The following OPN1LW variants were observed in gnomAD, a reference collection of about 807,000 sequenced individuals.
OPN1LW encodes the protein opsin 1, long wave sensitive.
In OPN1LW, 4 loss-of-function variants were observed where a neutral mutation model predicts 18.1. That is an observed-to-expected ratio of 0.22 (90% CI 0.11 to 0.51). The LOEUF (loss-of-function observed/expected upper bound fraction) is 0.51, where lower values mean the gene tolerates loss of function less well. Among genes scored for constraint, OPN1LW ranks in the 20% least tolerant of loss-of-function variants. The probability of loss-of-function intolerance (pLI) is 0.97; values close to 1 mark genes in which losing one functional copy is unlikely to be tolerated. For missense variants in OPN1LW, 164 were observed against 234.9 expected, an observed-to-expected ratio of 0.70 and a Z score of 1.97; for synonymous variants, 86 against 101.2, an observed-to-expected ratio of 0.85 and a Z score of 0.90.
Position 154,150,979 on chromosome X carries a change from C to T in OPN1LW, c.409+27C>T, listed in dbSNP as rs782088145. The T allele has an allele frequency of 1.3e-5, 15 of 1,176,303 alleles. 1 individual carries two copies. Among genetic ancestry groups the T allele is most frequent in the African/African-American group, 4.8e-5 (2 of 41,259 alleles). On this transcript the variant is annotated intron_variant, in intron 2 of 5. Transcript: ENST00000369951. Reference sequence around the variant, plus strand: ...TAAGCCAGTCGGGGCCCAGGCTCGGCGGAAACCACTCATTCACCCTGCAAG... The same window carrying T: ...TAAGCCAGTCGGGGCCCAGGCTCGGTGGAAACCACTCATTCACCCTGCAAG...
rs1387799253 is a variant in OPN1LW, at chrX:154,154,844, T to C, written c.744+105T>C. ...CCTAAACTATTTTTCCAAAAATCCT[T>C]AGAGAAGAGGATTTTACCCCTATAA... On this transcript the variant is annotated intron_variant, in intron 4 of 5. Transcript: ENST00000369951. 15 of 606,498 alleles carry C rather than the reference T, an allele frequency of 2.5e-5. No individual in the cohort carries two copies. In the African/African-American group the frequency reaches 5.4e-4, roughly 22 times the overall value. The allele number at this position is 606,498 out of a possible 1,213,427, so 50.0% of individuals were successfully genotyped here.
rs147850074 is a variant in OPN1LW at position 154,156,410 on chromosome X, C to T, written c.861C>T (p.Phe287=). The change falls in exon 5 of 6, where the codon TTC becomes TTT. Residue 287 remains phenylalanine, a synonymous_variant. Transcript: ENST00000369951. ...TCTGCTGGGGACCCTACACCTTCTT[C>T]GCATGCTTTGCTGCTGCCAACCCTG... ...YCVCWGPYTF[F]ACFAAANPGY... is the part of the protein sequence containing the mutation. 586 of 1,203,374 alleles carry T rather than the reference C, an allele frequency of 4.9e-4. 10 individuals carry two copies. The East Asian group carries it at 0.014, about 28-fold the overall frequency.
Position 154,148,969 on chromosome X carries a change from G to A in OPN1LW, c.113-1687G>A, listed in dbSNP as rs79462399. ...GCCTGTAATCCCAGCACTTTGGGAGGCCGAGGCAGGCGGATCACGAGGTCA... is the reference window on the plus strand; with the variant it reads ...GCCTGTAATCCCAGCACTTTGGGAGACCGAGGCAGGCGGATCACGAGGTCA... On this transcript the variant is annotated intron_variant, in intron 1 of 5. Coordinates refer to ENST00000369951, the MANE Select transcript of OPN1LW (RefSeq NM_020061.6). 3.8e-5 allele frequency among the ~76,000 whole-genome samples: 4 copies of A among 104,338 alleles called. No individual in the cohort carries two copies. In the East Asian group the frequency reaches 8.5e-4, roughly 22 times the overall value. The allele number at this position is 104,338 out of a possible 115,157, so 90.6% of individuals were successfully genotyped here.
At position 154,144,258 on chromosome X, in the gene OPN1LW, C is replaced by G. The variant is rs781904091; in HGVS notation, c.-26C>G. On this transcript the variant is annotated 5_prime_UTR_variant, in exon 1 of 6. Transcript: ENST00000369951. ...CAGGTGATGCGCCAGGGCCGGCTGC[C>G]GTCGGGGACAGGGCTTTCCATAGCC... is the stretch of plus-strand genomic sequence containing the variant. 8.3e-7 allele frequency: 1 copy of G among 1,209,635 alleles called. No homozygotes were observed. The highest frequency in any genetic ancestry group is 1.1e-6 in the Non-Finnish European group (1 of 895,067).
In OPN1LW at chrX:154,156,449, C is replaced by T. The variant is rs2067085374; in HGVS notation, c.900C>T (p.His300=). 8.3e-7 allele frequency: 1 copy of T among 1,203,215 alleles called. No homozygotes were observed. The change falls in exon 5 of 6, where the codon CAC becomes CAT. Residue 300 remains histidine (H), a synonymous_variant. Transcript: ENST00000369951. ...CTGCCAACCCTGGTTACGCCTTCCA[C>T]CCTTTGATGGCTGCCCTGCCGGCCT... The part of the protein sequence containing the change: ...FAAANPGYAF[H]PLMAALPAYF...
chrX:154,149,149 G>C (rs1266353096), intron 1 of OPN1LW, among the ~76,000 whole-genome samples: 1 of 102,428 alleles, frequency 9.8e-6, no homozygotes, highest in African/African-American at 4.3e-5. Context: ...AGCTTGCAGT[G>C]AGCCGAGATC....
Position 154,156,351 on chromosome X carries a change from C to T in OPN1LW, c.802C>T (p.Arg268Cys), listed in dbSNP as rs782000011. The change falls in exon 5 of 6, where the codon CGC becomes TGC. Residue 268 changes from arginine to cysteine, a missense_variant. Coordinates refer to ENST00000369951, the MANE Select transcript of OPN1LW (RefSeq NM_020061.6). ...CCAGAAGGCAGAGAAGGAAGTGACG[C>T]GCATGGTGGTGGTGATGATCTTTGC... ...STQKAEKEVT[R>C]MVVVMIFAYC... is the part of the protein sequence containing the mutation. The T allele has an allele frequency of 1.0e-5, 12 of 1,201,041 alleles. 1 individual carries two copies. In the South Asian group the frequency reaches 1.1e-4, roughly 11 times the overall value.
intron 1 of OPN1LW, among the ~76,000 whole-genome samples, chrX:154,149,559 G>A (rs1186616349): frequency 1.1e-5 from 1 of 93,669 alleles, no homozygotes; most frequent in African/African-American, 4.9e-5. Flanking sequence ...AAGAAAGAAA[G>A]GAAAAGAATA....
chrX:154,154,191 T>C (rs1365484108), intron 3 of OPN1LW, among the ~76,000 whole-genome samples: 49 of 99,321 alleles, frequency 4.9e-4, no homozygotes, highest in African/African-American at 2.0e-3. Flanking sequence ...CTTGAACTCC[T>C]GGGCTCGAGC....
rs782670567 is a variant in OPN1LW at position 154,150,900 on chromosome X, C to G, written c.357C>G (p.Phe119Leu). The G allele has an allele frequency of 8.4e-7, 1 of 1,194,935 alleles. No homozygotes were observed. Reference protein sequence around the residue: ...ISIVNQVSGYFVLGHPMCVLE... With the variant: ...ISIVNQVSGYLVLGHPMCVLE... Reference sequence around the variant, plus strand: ...TTGTGAACCAGGTCTCTGGCTACTTCGTGCTGGGCCACCCTATGTGTGTCC... The same window carrying G: ...TTGTGAACCAGGTCTCTGGCTACTTGGTGCTGGGCCACCCTATGTGTGTCC... The change falls in exon 2 of 6, where the codon TTC becomes TTG. Residue 119 changes from phenylalanine (F) to leucine (L), a missense_variant. Physicochemically the swap from Phe to Leu is conservative, Grantham distance 22. This residue lies in a region of OPN1LW where 106 missense variants were observed against 167.7 expected (regional missense o/e 0.63). Transcript: ENST00000369951.
At position 154,154,829 on chromosome X, in the gene OPN1LW, T is replaced by C. The variant is rs782727055; in HGVS notation, c.744+90T>C. The C allele has an allele frequency of 6.6e-5, 49 of 737,507 alleles. 2 individuals are homozygous for C. The African/African-American group carries it at 9.4e-4, about 14-fold the overall frequency. 60.8% of individuals were successfully genotyped at this position (737,507 alleles called of 1,213,427 possible). A position where few individuals can be genotyped will look rare whatever the true frequency, so the allele number is the denominator to read the frequency against. ...GAGTCCACTGAGACTCCTAAACTAT[T>C]TTTCCAAAAATCCTTAGAGAAGAGG... On this transcript the variant is annotated intron_variant, in intron 4 of 5. Coordinates refer to ENST00000369951, the MANE Select transcript of OPN1LW (RefSeq NM_020061.6).
Position 154,144,364 on chromosome X carries a change from C to T in OPN1LW, c.81C>T (p.Ile27=), listed in dbSNP as rs1462515451. Residue 27 remains isoleucine, a synonymous_variant, in exon 1 of 6, where the codon ATC becomes ATT. Transcript: ENST00000369951. ...ATGAGGACAGCACCCAGTCCAGCATCTTCACCTACACCAACAGCAACTCCA... is the reference window on the plus strand; with the variant it reads ...ATGAGGACAGCACCCAGTCCAGCATTTTCACCTACACCAACAGCAACTCCA... ...DSYEDSTQSS[I]FTYTNSNSTR... is the part of the protein sequence containing the mutation. The T allele has an allele frequency of 8.5e-7, 1 of 1,176,410 alleles. No homozygotes were observed. The highest frequency in any genetic ancestry group is 1.9e-5 in the African/African-American group (1 of 51,832).
rs1490687236 is a variant in OPN1LW, at chrX:154,156,529, G to A, written c.980G>A (p.Arg327Gln). 5 of 1,198,630 alleles carry A rather than the reference G, an allele frequency of 4.2e-6. No individual in the cohort carries two copies. Among genetic ancestry groups the A allele is most frequent in the African/African-American group, 3.6e-5 (2 of 55,092 alleles). Reference protein sequence around the residue: ...YNPVIYVFMNRQFRNCILQLF... With the variant: ...YNPVIYVFMNQQFRNCILQLF... ...CCCGTTATCTATGTCTTTATGAACCGGCAGGTAAGCAACACCATCAGCAGA... is the reference window on the plus strand; with the variant it reads ...CCCGTTATCTATGTCTTTATGAACCAGCAGGTAAGCAACACCATCAGCAGA... Residue 327 changes from arginine (R) to glutamine (Q), a missense_variant, in exon 5 of 6, where the codon CGG (arginine) becomes CAG (glutamine). By Grantham distance (43) the Arg-to-Gln change is conservative. Transcript: ENST00000369951.
At chrX:154,154,145 T>C (rs2067078065) in intron 3 of OPN1LW, among the ~76,000 whole-genome samples, 1 of 95,907 alleles carries the variant, frequency 1.0e-5, no homozygotes, top group Admixed American at 1.1e-4. Context: ...TTTTTATTTT[T>C]TGTAGAGACA....
At chrX:154,156,220 A>G (rs2067083524) in intron 4 of OPN1LW, 74 bp from the exon 5 acceptor site, 1 of 1,121,676 alleles carries the variant, frequency 8.9e-7, no homozygotes, top group Non-Finnish European at 1.2e-6. Flanking sequence ...CCTCCTCCCC[A>G]CAACTCCCTA....
intron 2 of OPN1LW, 60 bp downstream of exon 2, chrX:154,151,012 A>G (rs11492096): frequency 0.065 from 74,600 of 1,153,673 alleles, 4,994 homozygotes; most frequent in African/African-American, 0.28. Context: ...AAGCTCCTCC[A>G]GCCACCTCAT....
At chrX:154,149,436 G>C (rs1375230155) in intron 1 of OPN1LW, among the ~76,000 whole-genome samples, 2 of 98,290 alleles carry the variant, frequency 2.0e-5, no homozygotes, top group Admixed American at 1.1e-4. Context: ...GGAGGCTGAG[G>C]CAGGAGAATT....
At chrX:154,151,050 G>T in intron 2 of OPN1LW, 98 bp downstream of exon 2, 1 of 1,130,268 alleles carries the variant, frequency 8.8e-7, no homozygotes, top group East Asian at 3.0e-5. Flanking sequence ...TGCTCCTGTA[G>T]GCCTGTCTCC....
chrX:154,154,174 G>C (rs1263206397), intron 3 of OPN1LW, among the ~76,000 whole-genome samples: 9 of 98,343 alleles, frequency 9.2e-5, no homozygotes, highest in Admixed American at 3.2e-4. Context: ...CTGTGTTCCA[G>C]GCTAGTCTTG....
Sources: allele counts gnomAD v4.1 joint callset (sites outside exome capture counted in the v4.1 genomes callset), GRCh38; gene constraint gnomAD v4.1.1; regional missense constraint gnomAD v4.1.1; transcripts MANE v1.5; gene names NCBI Gene and HGNC (gene_info 2026-07-23, HGNC 2026-07-21).